Variants in MGA observed in about 807,000 individuals in gnomAD.
MGA encodes MAX dimerization protein MGA.
Under a neutral mutation model 261.1 loss-of-function variants are expected in MGA, and 40 were observed. The observed-to-expected ratio is 0.15, with a 90% confidence interval of 0.12 to 0.20. MGA has a LOEUF of 0.20. Ranked by LOEUF, MGA falls within the 10% of genes least tolerant of loss-of-function variation. The pLI is 1.00. For missense variants in MGA, 3,397 were observed against 3,630.5 expected (o/e 0.94, Z 1.65); for synonymous variants, 1,302 against 1,290.6 (o/e 1.01, Z -0.19).
At position 41,754,448 on chromosome 15, in the gene MGA, A is replaced by G; in HGVS notation, c.7020A>G (p.Val2340=). Reference sequence around the variant, plus strand: ...ATGATGTATTTCAGAATAACTGTGTAGAATACATTGAGGATGATGAGGAGC... The same window carrying G: ...ATGATGTATTTCAGAATAACTGTGTGGAATACATTGAGGATGATGAGGAGC... Residue 2340 remains valine, a synonymous_variant, in exon 18 of 24, where the codon GTA becomes GTG. Coordinates refer to ENST00000219905, the MANE Select transcript of MGA (RefSeq NM_001164273.2). The G allele has an allele frequency of 6.5e-7, 1 of 1,549,558 alleles. No homozygotes were observed. Among genetic ancestry groups the G allele is most frequent in the Non-Finnish European group, 8.7e-7 (1 of 1,146,772 alleles).
chr15:41,645,112 T>TAA (rs1281625876), intron 1 of MGA, among the ~76,000 whole-genome samples: 4 of 152,248 alleles, frequency 2.6e-5, no homozygotes, highest in African/African-American at 9.6e-5. Flanking sequence ...AAGTTCAAAG[T>TAA]AAATGTTCCT....
chr15:41,713,391 G>A lies in MGA; in HGVS notation c.3325G>A (p.Val1109Ile). The change falls in exon 9 of 24, where the codon GTA (valine) becomes ATA (isoleucine). Residue 1109 changes from valine to isoleucine, a missense_variant. Val to Ile is a conservative substitution (Grantham distance 29). Around this residue, in one of 9 missense-constraint regions of MGA, gnomAD observed 519 missense variants for 554.1 expected, o/e 0.94. Transcript: ENST00000219905. ...GAGGAAGGCTGCTCATCGAGATCCA[G>A]TATTTTATGATACTCTGGGAGAGGA... is the stretch of plus-strand genomic sequence containing the variant. 6.2e-7 allele frequency: 1 copy of A among 1,606,776 alleles called. No individual in the cohort carries two copies. The highest frequency in any genetic ancestry group is 1.3e-5 in the African/African-American group (1 of 74,954).
chr15:41,637,328 G>C (rs1389355918), intron 1 of MGA, among the ~76,000 whole-genome samples: 1 of 152,162 alleles, frequency 6.6e-6, no homozygotes, highest in Non-Finnish European at 1.5e-5. Flanking sequence ...AGATCAGAGG[G>C]AATGTTGGAA....
Position 41,762,182 on chromosome 15 carries a change from CA to C in MGA, c.7566del (p.Ala2523HisfsTer2). On this transcript the variant is annotated frameshift_variant, in exon 22 of 24. Transcript: ENST00000219905. LOFTEE classifies it high-confidence loss of function. ...GCTAGAGTATATTTATGCAAAACAG[CA>C]AGCACTAGAGGCACAAAAAAGAAAA... The C allele has an allele frequency of 6.2e-7, 1 of 1,613,800 alleles. No individual in the cohort carries two copies. The highest frequency in any genetic ancestry group is 8.5e-7 in the Non-Finnish European group (1 of 1,179,838).
At position 41,643,549 on chromosome 15, in the gene MGA, A is replaced by T. The variant is rs73403154; in HGVS notation, c.-68+22251A>T. Among the ~76,000 whole-genome samples the T allele has an allele frequency of 7.4e-3, 1,119 of 151,768 alleles. 18 individuals are homozygous for T. Among genetic ancestry groups the T allele is most frequent in the African/African-American group, 0.026 (1,078 of 41,426 alleles). On this transcript the variant is annotated intron_variant, in intron 1 of 8. Coordinates refer to the MGA transcript ENST00000566718. ...GCCACTGCGCCTGGCCCTGGCTCCC[A>T]TTTTTAAAGTGATTTTTTTGTTGTT...
intron 1 of MGA, among the ~76,000 whole-genome samples, chr15:41,640,220 TA>T (rs1375516968): frequency 6.6e-6 from 1 of 152,040 alleles, no homozygotes; most frequent in Non-Finnish European, 1.5e-5. Context: ...AAGGTTCAGA[TA>T]AAAAAACCCG....
intron 9 of MGA, among the ~76,000 whole-genome samples, chr15:41,715,769 T>C (rs1438335924): frequency 6.6e-6 from 1 of 152,208 alleles, no homozygotes; most frequent in Non-Finnish European, 1.5e-5. Flanking sequence ...ATATAGTGTA[T>C]TTAAATACCT....
intron 8 of MGA, among the ~76,000 whole-genome samples, chr15:41,712,341 G>A (rs2060427940): frequency 6.6e-6 from 1 of 152,022 alleles, no homozygotes; most frequent in Non-Finnish European, 1.5e-5. Flanking sequence ...CTCCTGAGTA[G>A]CTGGGGCCTG....
At chr15:41,740,018 T>C (rs2062002949) in intron 13 of MGA, 2 of 1,613,832 alleles carry the variant, frequency 1.2e-6, no homozygotes, top group Non-Finnish European at 1.7e-6. Context: ...CCCTCAGTCC[T>C]GGACCTCTCA....
At position 41,736,339 on chromosome 15, in the gene MGA, A is replaced by G. The variant is rs748434796; in HGVS notation, c.4075A>G (p.Ile1359Val). The change falls in exon 13 of 24, where the codon ATC becomes GTC. Residue 1359 changes from isoleucine (I) to valine (V), a missense_variant. Ile to Val is a conservative substitution (Grantham distance 29). Coordinates refer to ENST00000219905, the MANE Select transcript of MGA (RefSeq NM_001164273.2). ...GATTTTGAGCATCTTATCCCAGCAC[A>G]TCAATAGCAACATGCCACAATCACT... 5.0e-6 allele frequency: 8 copies of G among 1,613,922 alleles called. No homozygotes were observed. The Admixed American group carries it at 1.3e-4, about 27-fold the overall frequency.
intron 1 of MGA, among the ~76,000 whole-genome samples, chr15:41,650,541 A>G (rs1043859213): frequency 6.6e-6 from 1 of 151,928 alleles, no homozygotes; most frequent in African/African-American, 2.4e-5. Context: ...TGGTTCAAGC[A>G]ATTCATCTGT....
upstream of MGA, among the ~76,000 whole-genome samples, chr15:41,657,113 T>C (rs865936194): frequency 2.0e-5 from 3 of 152,026 alleles, no homozygotes; most frequent in African/African-American, 7.2e-5. Flanking sequence ...TTGGGTACAT[T>C]ATTAGCTCCT....
At chr15:41,717,736 C>T (rs1483113079) in intron 9 of MGA, among the ~76,000 whole-genome samples, 1 of 152,162 alleles carries the variant, frequency 6.6e-6, no homozygotes, top group East Asian at 1.9e-4. Context: ...ATGGTGTCAT[C>T]TTATGAAACC....
Position 41,766,831 on chromosome 15 carries a change from G to T in MGA, c.8749G>T (p.Ala2917Ser), listed in dbSNP as rs1277450325. ...CTTTTCTGAGAATGAAAAACAACTTGCAGAACCAGCCTCTGAGCCAGATGT... is the reference window on the plus strand; with the variant it reads ...CTTTTCTGAGAATGAAAAACAACTTTCAGAACCAGCCTCTGAGCCAGATGT... The change falls in exon 24 of 24, where the codon GCA becomes TCA. Residue 2917 changes from alanine (A) to serine (S), a missense_variant. By Grantham distance (99) the Ala-to-Ser change is moderately conservative. Transcript: ENST00000219905. 6.2e-7 allele frequency: 1 copy of T among 1,613,870 alleles called. No individual in the cohort carries two copies. Among genetic ancestry groups the T allele is most frequent in the Non-Finnish European group, 8.5e-7 (1 of 1,179,902 alleles).
intron 15 of MGA, among the ~76,000 whole-genome samples, chr15:41,746,544 CAAAAAAAAAAA>C (rs869061461): frequency 8.1e-5 from 5 of 61,864 alleles, no homozygotes; most frequent in African/African-American, 3.0e-4. Flanking sequence ...GACTTCGTCT[CAAAAAAAAAAA>C]AAAAAAAAAA....
chr15:41,762,029 GT>G, intron 21 of MGA, 99 bp from the exon 22 acceptor site: 2 of 1,114,090 alleles, frequency 1.8e-6, no homozygotes, highest in Non-Finnish European at 2.6e-6. Flanking sequence ...ACTTTCCATA[GT>G]TTTTGGGAAT....
At chr15:41,727,135 T>C (rs552325542) in intron 9 of MGA, 45 bp from the exon 10 acceptor site, 1 of 1,506,762 alleles carries the variant, frequency 6.6e-7, no homozygotes, top group African/African-American at 1.4e-5. Flanking sequence ...TATTGATCTT[T>C]TGTTGCCAAA....
chr15:41,749,373 A>G lies in MGA; in HGVS notation c.5766A>G (p.Ile1922Met). ...GTAAAACAGGCTCTGAAACCAAAAT[A>G]ACTTATAGCTCAGGAGGACAGCCTG... The change falls in exon 17 of 24, where the codon ATA (isoleucine) becomes ATG (methionine). Residue 1922 changes from isoleucine to methionine, a missense_variant. Transcript: ENST00000219905. 1 of 1,613,986 alleles carries G rather than the reference A, an allele frequency of 6.2e-7. No individual in the cohort carries two copies. Among genetic ancestry groups the G allele is most frequent in the Non-Finnish European group, 8.5e-7 (1 of 1,179,884 alleles).
At chr15:41,764,309 G>A (rs1371953046) in intron 22 of MGA, among the ~76,000 whole-genome samples, 2 of 148,692 alleles carry the variant, frequency 1.3e-5, no homozygotes, top group South Asian at 2.1e-4. Context: ...GGTAGAGTGC[G>A]GTGGCGCAAT....
Sources: allele counts gnomAD v4.1 joint callset (sites outside exome capture counted in the v4.1 genomes callset), GRCh38; gene constraint gnomAD v4.1.1; regional missense constraint gnomAD v4.1.1; transcripts MANE v1.5; gene names NCBI Gene and HGNC (gene_info 2026-07-23, HGNC 2026-07-21).